NRXN3: variants seen among roughly 807,000 people sequenced by gnomAD.
NRXN3 encodes neurexin III.
In NRXN3, 32 loss-of-function variants were observed where a neutral mutation model predicts 137.6. The observed-to-expected ratio is 0.23, with a 90% confidence interval of 0.18 to 0.31. The LOEUF is 0.31. Among genes scored for constraint, NRXN3 ranks in the 10% least tolerant of loss-of-function variants. The pLI is 1.00. For synonymous variants in NRXN3, 798 were observed against 784.5 expected, an observed-to-expected ratio of 1.02 and a Z score of -0.29; for missense variants, 1,574 against 2,062.5, an observed-to-expected ratio of 0.76 and a Z score of 4.59.
chr14:79,237,120 G>A (rs1361251522), intron 15 of NRXN3, among the ~76,000 whole-genome samples: 5 of 151,610 alleles, frequency 3.3e-5, no homozygotes, highest in Non-Finnish European at 7.4e-5. Context: ...TAACTTTAGA[G>A]AAAGCTTGAA....
At chr14:79,249,195 A>G (rs1272447583) in intron 15 of NRXN3, among the ~76,000 whole-genome samples, 1 of 152,182 alleles carries the variant, frequency 6.6e-6, no homozygotes, top group African/African-American at 2.4e-5. Context: ...CTAAAGAGCT[A>G]AGTAGGAAGT....
rs937485061 is a variant in NRXN3 at position 78,179,811 on chromosome 14, T to A, written c.-704+9137T>A. On this transcript the variant is annotated intron_variant, in intron 1 of 20. Coordinates refer to ENST00000335750, the MANE Select transcript of NRXN3 (RefSeq NM_001330195.2). Reference sequence around the variant, plus strand: ...GCATGTGACATATATTTGTTCTTTGTTTTTTTTTTTTTGTTTGTTTCTGTT... The same window carrying A: ...GCATGTGACATATATTTGTTCTTTGATTTTTTTTTTTTGTTTGTTTCTGTT... Among the ~76,000 whole-genome samples the A allele has an allele frequency of 2.4e-4, 10 of 41,656 alleles. 1 individual carries two copies. Among genetic ancestry groups the A allele is most frequent in the Non-Finnish European group, 4.6e-4 (9 of 19,744 alleles). The allele number at this position is 41,656 out of a possible 152,430, so 27.3% of individuals were successfully genotyped here.
At chr14:78,775,950 G>T (rs553675173) in intron 8 of NRXN3, among the ~76,000 whole-genome samples, 1 of 152,224 alleles carries the variant, frequency 6.6e-6, no homozygotes, top group South Asian at 2.1e-4. Flanking sequence ...ATCCTACTCT[G>T]TCCTACCCAG....
At chr14:79,109,485 A>G (rs540766279) in intron 15 of NRXN3, among the ~76,000 whole-genome samples, 1 of 152,346 alleles carries the variant, frequency 6.6e-6, no homozygotes, top group South Asian at 2.1e-4. Context: ...ATAACTCAGT[A>G]TGACAATATT....
chr14:78,267,908 A>G (rs1261420059), intron 2 of NRXN3, among the ~76,000 whole-genome samples: 1 of 152,212 alleles, frequency 6.6e-6, no homozygotes, highest in Non-Finnish European at 1.5e-5. Context: ...TGCCTAAGTC[A>G]GTGTCTGGCA....
At chr14:79,683,032 A>G (rs1185294123) in intron 17 of NRXN3, among the ~76,000 whole-genome samples, 1 of 152,190 alleles carries the variant, frequency 6.6e-6, no homozygotes, top group South Asian at 2.1e-4. Context: ...AAATGGTAAT[A>G]GAGTTCTTCA....
intron 4 of NRXN3, among the ~76,000 whole-genome samples, chr14:78,544,952 A>G (rs2152127194): frequency 6.6e-6 from 1 of 152,318 alleles, no homozygotes; most frequent in Non-Finnish European, 1.5e-5. Flanking sequence ...TGGGTTCTCA[A>G]TTTGGCAACT....
chr14:79,708,237 AT>A (rs2098788992), intron 19 of NRXN3, among the ~76,000 whole-genome samples: 1 of 149,596 alleles, frequency 6.7e-6, no homozygotes, highest in Admixed American at 6.6e-5. Flanking sequence ...TATAACAACT[AT>A]TTACCTAGCA....
intron 16 of NRXN3, among the ~76,000 whole-genome samples, chr14:79,474,412 T>A (rs892541038): frequency 9.9e-5 from 15 of 152,176 alleles, no homozygotes; most frequent in Non-Finnish European, 1.6e-4. Flanking sequence ...TGTATAAGTC[T>A]GCTTGGACTT....
intron 4 of NRXN3, among the ~76,000 whole-genome samples, chr14:78,547,847 TA>T (rs1368232997): frequency 1.3e-5 from 2 of 152,156 alleles, no homozygotes; most frequent in Admixed American, 1.3e-4. Context: ...ACTGTCAATC[TA>T]ATATTTTTAA....
chr14:78,971,666 G>A (rs577408150), intron 14 of NRXN3, among the ~76,000 whole-genome samples: 2 of 151,978 alleles, frequency 1.3e-5, no homozygotes, highest in East Asian at 1.9e-4. Context: ...ACGGAGTTTC[G>A]CTCTTGTTGC....
intron 10 of NRXN3, among the ~76,000 whole-genome samples, chr14:78,899,044 C>A (rs552991292): frequency 6.6e-6 from 1 of 152,042 alleles, no homozygotes; most frequent in South Asian, 2.1e-4. Context: ...AGCATAATTT[C>A]TCAGCTCTGA....
intron 1 of NRXN3, among the ~76,000 whole-genome samples, chr14:78,218,177 GCAAGAC>G (rs1400979648): frequency 1.3e-5 from 2 of 152,040 alleles, no homozygotes; most frequent in Admixed American, 6.6e-5. Context: ...GGGCAACATA[GCAAGAC>G]CCTGTCTCTA....
intron 15 of NRXN3, among the ~76,000 whole-genome samples, chr14:78,998,865 A>C (rs1307187322): frequency 6.6e-6 from 1 of 150,882 alleles, no homozygotes; most frequent in Admixed American, 6.6e-5. Context: ...CTGCCTCCCA[A>C]AGTGCTGGGA....
At chr14:78,932,065 G>A (rs1247774687) in intron 10 of NRXN3, among the ~76,000 whole-genome samples, 7 of 152,222 alleles carry the variant, frequency 4.6e-5, no homozygotes, top group Admixed American at 1.3e-4. Context: ...TCTTGAACCC[G>A]GGAGATGGAG....
chr14:79,385,320 T>G (rs374462960), intron 15 of NRXN3, among the ~76,000 whole-genome samples: 381 of 150,770 alleles, frequency 2.5e-3, no homozygotes, highest in African/African-American at 8.8e-3. Context: ...TTTGGTTTTT[T>G]GTTCTTGCGA....
intron 16 of NRXN3, among the ~76,000 whole-genome samples, chr14:79,563,912 G>A (rs1030524183): frequency 2.0e-5 from 3 of 151,802 alleles, no homozygotes; most frequent in Non-Finnish European, 1.5e-5. Flanking sequence ...ATCTTGGTAG[G>A]GAGCCAAAAT....
At chr14:79,030,409 T>C (rs1217601520) in intron 15 of NRXN3, among the ~76,000 whole-genome samples, 1 of 152,060 alleles carries the variant, frequency 6.6e-6, no homozygotes, top group Non-Finnish European at 1.5e-5. Flanking sequence ...AGCATCCTGC[T>C]GACCCCCAGA....
chr14:79,613,958 T>G (rs2098129956), intron 16 of NRXN3, among the ~76,000 whole-genome samples: 1 of 152,234 alleles, frequency 6.6e-6, no homozygotes, highest in Admixed American at 6.5e-5. Context: ...ATACTGGCAT[T>G]TTTATGGATG....
Sources: allele counts gnomAD v4.1 joint callset (sites outside exome capture counted in the v4.1 genomes callset), GRCh38; gene constraint gnomAD v4.1.1; transcripts MANE v1.5; gene names NCBI Gene and HGNC (gene_info 2026-07-23, HGNC 2026-07-21).